KCNN3: variants seen among roughly 807,000 people sequenced by gnomAD.
KCNN3 encodes the protein small conductance calcium-activated potassium channel protein 3.
Under a neutral mutation model 62.9 loss-of-function variants are expected in KCNN3, and 16 were observed. The ratio of observed to expected loss-of-function variants is 0.25; its 90% confidence interval spans 0.17 to 0.39. KCNN3 has a LOEUF of 0.39. KCNN3 is among the 10% of genes least tolerant of loss of function. The pLI, the probability that KCNN3 is intolerant of heterozygous loss-of-function variation, is 1.00. For missense variants in KCNN3, 599 were observed against 949.4 expected (o/e 0.63, Z 4.85); for synonymous variants, 370 against 389.2 (o/e 0.95, Z 0.58).
chr1:154,762,362 G>T (rs1648058128), intron 3 of KCNN3, among the ~76,000 whole-genome samples: 1 of 152,158 alleles, frequency 6.6e-6, no homozygotes, highest in South Asian at 2.1e-4. Flanking sequence ...CAACTCCAGA[G>T]GGGAAAAAGT....
intron 2 of KCNN3, among the ~76,000 whole-genome samples, chr1:154,798,837 A>G (rs548120280): frequency 6.6e-6 from 1 of 151,576 alleles, no homozygotes; most frequent in South Asian, 2.1e-4. Context: ...CCATCCTACC[A>G]CCTCACTATA....
At chr1:154,803,940 T>A (rs1418104783) in intron 2 of KCNN3, among the ~76,000 whole-genome samples, 1 of 152,322 alleles carries the variant, frequency 6.6e-6, no homozygotes, top group East Asian at 1.9e-4. Context: ...AGAGGAACAT[T>A]TTCCAATCCC....
At chr1:154,764,584 A>G (rs1648174815) in intron 3 of KCNN3, among the ~76,000 whole-genome samples, 1 of 152,224 alleles carries the variant, frequency 6.6e-6, no homozygotes, top group African/African-American at 2.4e-5. Context: ...AAACTGAGTA[A>G]TAGGGCTTTA....
At chr1:154,712,963 C>T (rs1301813777) in intron 7 of KCNN3, among the ~76,000 whole-genome samples, 1 of 151,968 alleles carries the variant, frequency 6.6e-6, no homozygotes, top group Non-Finnish European at 1.5e-5. Flanking sequence ...AAGAAATGCA[C>T]CCCCCCACAC....
intron 1 of KCNN3, among the ~76,000 whole-genome samples, chr1:154,852,308 T>G (rs890840971): frequency 6.6e-6 from 1 of 151,564 alleles, no homozygotes; most frequent in African/African-American, 2.4e-5. Flanking sequence ...AACAGCAAGC[T>G]ATCCCCCACC....
chr1:154,813,922 A>G (rs1369472480), intron 2 of KCNN3, among the ~76,000 whole-genome samples: 1 of 152,242 alleles, frequency 6.6e-6, no homozygotes, highest in African/African-American at 2.4e-5. Flanking sequence ...TGAGGCAGAA[A>G]GGGTTAAGCC....
At chr1:154,753,035 T>G (rs1052233265) in intron 3 of KCNN3, among the ~76,000 whole-genome samples, 1 of 152,272 alleles carries the variant, frequency 6.6e-6, no homozygotes, top group African/African-American at 2.4e-5. Flanking sequence ...TCCAGACACA[T>G]TTACTCTCTA....
Position 154,869,629 on chromosome 1 carries a change from A to AG in KCNN3, c.335dup (p.Ser113PhefsTer22), listed in dbSNP as rs753256170. On this transcript the variant is annotated frameshift_variant, in exon 1 of 8. Transcript: ENST00000271915. LOFTEE classifies it high-confidence loss of function. This position sits in a 1 kb window ranked among gnomAD's most constrained non-coding sequence, Gnocchi z 6.1. ...GGAGGATGGCGGTGGAGTTGGACGAAGGGGGGGCCCTGAAAGCGGTGGGAG... is the reference window on the plus strand; with the variant it reads ...GGAGGATGGCGGTGGAGTTGGACGAAGGGGGGGGCCCTGAAAGCGGTGGGAG... The AG allele has an allele frequency of 1.2e-6, 2 of 1,613,540 alleles. No individual in the cohort carries two copies. The highest frequency in any genetic ancestry group is 1.7e-5 in the Admixed American group (1 of 59,922).
intron 1 of KCNN3, among the ~76,000 whole-genome samples, chr1:154,850,317 A>C (rs1652252281): frequency 6.6e-6 from 1 of 152,246 alleles, no homozygotes; most frequent in Non-Finnish European, 1.5e-5. Flanking sequence ...AACAAGGGTC[A>C]GGGTCCAGCT....
rs772298162 is a variant in KCNN3 at position 154,771,878 on chromosome 1, C to T, written c.1448+97G>A. On this transcript the variant is annotated intron_variant, in intron 3 of 7. Coordinates refer to ENST00000271915, the MANE Select transcript of KCNN3 (RefSeq NM_002249.6). ...TTCAGGTGTCTGGGTACATGCCTGTCTCCTCCATCAGACCACATACTTCCT... is the reference window on the plus strand; with the variant it reads ...TTCAGGTGTCTGGGTACATGCCTGTTTCCTCCATCAGACCACATACTTCCT... The T allele has an allele frequency of 7.3e-6, 9 of 1,228,562 alleles. No homozygotes were observed. In the African/African-American group the frequency reaches 1.3e-4, roughly 18 times the overall value. The allele number at this position is 1,228,562 out of a possible 1,614,324, so 76.1% of individuals were successfully genotyped here.
At chr1:154,837,155 G>A (rs1348392295) in intron 1 of KCNN3, among the ~76,000 whole-genome samples, 1 of 151,210 alleles carries the variant, frequency 6.6e-6, no homozygotes, top group African/African-American at 2.4e-5. Context: ...CTGGAGTGCA[G>A]TGGCACAATC....
At chr1:154,803,185 C>G (rs1177631705) in intron 2 of KCNN3, among the ~76,000 whole-genome samples, 1 of 152,186 alleles carries the variant, frequency 6.6e-6, no homozygotes, top group African/African-American at 2.4e-5. Context: ...GCCCTCCTTC[C>G]CTGCCCAGAG....
intron 3 of KCNN3, among the ~76,000 whole-genome samples, chr1:154,754,672 G>T: frequency 6.6e-6 from 1 of 152,270 alleles, no homozygotes; most frequent in African/African-American, 2.4e-5. Flanking sequence ...AAGAAGCCAC[G>T]TACCAACGAT....
chr1:154,743,726 G>A (rs1252419170), intron 3 of KCNN3, among the ~76,000 whole-genome samples: 1 of 152,172 alleles, frequency 6.6e-6, no homozygotes, highest in African/African-American at 2.4e-5. Context: ...ACTCTACAAG[G>A]TCCTCTACAG....
intron 2 of KCNN3, among the ~76,000 whole-genome samples, chr1:154,785,174 C>A (rs1649224747): frequency 6.6e-6 from 1 of 152,172 alleles, no homozygotes; most frequent in African/African-American, 2.4e-5. Context: ...AAGGATCCTG[C>A]TGAATGTTTG....
chr1:154,784,588 G>A (rs929289527), intron 2 of KCNN3, among the ~76,000 whole-genome samples: 2 of 152,214 alleles, frequency 1.3e-5, no homozygotes, highest in African/African-American at 4.8e-5. Flanking sequence ...CCCAGGCCCT[G>A]TGCCCCCTGC....
rs144348189 is a variant in KCNN3, at chr1:154,807,574, G to A, written c.1029+14515C>T. On this transcript the variant is annotated intron_variant, in intron 2 of 7. Coordinates refer to ENST00000271915, the MANE Select transcript of KCNN3 (RefSeq NM_002249.6). ...TGAATTCTGCAGGCAAAGGAAGGAT[G>A]TAAACTCCCTGCCTGGGGGAGAAGC... is the stretch of plus-strand genomic sequence containing the variant. 4.1e-4 allele frequency among the ~76,000 whole-genome samples: 63 copies of A among 152,356 alleles called. No homozygotes were observed. The East Asian group carries it at 0.012, about 29-fold the overall frequency.
At chr1:154,830,556 G>A (rs577250780) in intron 1 of KCNN3, among the ~76,000 whole-genome samples, 19 of 152,346 alleles carry the variant, frequency 1.2e-4, no homozygotes, top group African/African-American at 4.1e-4. Flanking sequence ...CCGGCACGGG[G>A]AAACTAGGCA....
intron 2 of KCNN3, among the ~76,000 whole-genome samples, chr1:154,816,013 A>T (rs530624101): frequency 6.6e-6 from 1 of 152,236 alleles, no homozygotes; most frequent in Non-Finnish European, 1.5e-5. Context: ...TGCCACAGGA[A>T]GTGAGGCTTC....
Sources: allele counts gnomAD v4.1 joint callset (sites outside exome capture counted in the v4.1 genomes callset), GRCh38; gene constraint gnomAD v4.1.1; non-coding constraint Gnocchi (gnomAD v3.1); transcripts MANE v1.5; gene names NCBI Gene and HGNC (gene_info 2026-07-23, HGNC 2026-07-21).